MPPED1: variants seen among roughly 807,000 people sequenced by gnomAD.
MPPED1 encodes the protein metallophosphoesterase domain-containing protein 1.
A neutral mutation model predicts 36.2 loss-of-function variants in MPPED1; 16 were observed. That is an observed-to-expected ratio of 0.44 (90% confidence interval 0.30 to 0.67). The LOEUF (loss-of-function observed/expected upper bound fraction) is 0.67, where lower values mean the gene tolerates loss of function less well. Among genes scored for constraint, MPPED1 ranks in the 30% least tolerant of loss-of-function variants. MPPED1 has a pLI of 0.10. For missense variants in MPPED1, 307 were observed against 453.4 expected, an observed-to-expected ratio of 0.68 and a Z score of 2.93; for synonymous variants, 199 against 191.3, an observed-to-expected ratio of 1.04 and a Z score of -0.33.
At chr22:43,463,807 TTTTCTTTC>T (rs695374) in intron 3 of MPPED1, among the ~76,000 whole-genome samples, 14,590 of 112,372 alleles carry the variant, frequency 0.13, 1,123 homozygotes, top group African/African-American at 0.16. Context: ...TCATTTTTTC[TTTTCTTTC>T]TTTCTTTCTT....
intron 3 of MPPED1, among the ~76,000 whole-genome samples, chr22:43,447,883 ATTTTTTT>A (rs776108565): frequency 3.0e-5 from 2 of 67,734 alleles, no homozygotes; most frequent in African/African-American, 1.3e-4. Flanking sequence ...ATATATATAT[ATTTTTTT>A]TTTTTTTAGA....
chr22:43,497,010 AGGTAGTGGTGGTGGAAGT>A (rs1932425444), intron 4 of MPPED1, among the ~76,000 whole-genome samples: 1 of 100,880 alleles, frequency 9.9e-6, no homozygotes, highest in Non-Finnish European at 2.0e-5. Flanking sequence ...GTGGTGGTGG[AGGTAGTGGTGGTGGAAGT>A]GGTGGTGGTG....
At chr22:43,468,324 C>A (rs1038825897) in intron 3 of MPPED1, among the ~76,000 whole-genome samples, 3 of 152,202 alleles carry the variant, frequency 2.0e-5, no homozygotes, top group Admixed American at 2.0e-4. Context: ...CATCAAGGAC[C>A]TAGGGCTTGT....
intron 4 of MPPED1, among the ~76,000 whole-genome samples, chr22:43,495,336 TGATGGA>T (rs1932236017): frequency 7.0e-6 from 1 of 142,142 alleles, no homozygotes; most frequent in African/African-American, 2.6e-5. Context: ...GTGGTGGTAG[TGATGGA>T]GGTGTTGATG....
chr22:43,480,461 C>T (rs143697830), intron 4 of MPPED1, among the ~76,000 whole-genome samples: 36 of 152,282 alleles, frequency 2.4e-4, no homozygotes, highest in African/African-American at 7.2e-4. Flanking sequence ...CCAGTGAGGC[C>T]GAGAATCTCT....
chr22:43,498,430 C>T, intron 5 of MPPED1, 80 bp downstream of exon 5: 2 of 1,170,432 alleles, frequency 1.7e-6, no homozygotes, highest in Non-Finnish European at 2.4e-6. Context: ...CTGGCTGGGC[C>T]TGTATAGGGG....
At chr22:43,441,446 G>T (rs1215082800) in intron 3 of MPPED1, among the ~76,000 whole-genome samples, 1 of 152,142 alleles carries the variant, frequency 6.6e-6, no homozygotes, top group Non-Finnish European at 1.5e-5. Flanking sequence ...ACTCCAGGGC[G>T]GAGACCATAC....
chr22:43,427,512 C>G (rs1199747602), intron 2 of MPPED1, among the ~76,000 whole-genome samples: 4 of 152,072 alleles, frequency 2.6e-5, no homozygotes, highest in Admixed American at 2.6e-4. Context: ...GGAGACACCA[C>G]AGGCCCCTGC....
chr22:43,495,943 A>AGTG (rs1932314511), intron 4 of MPPED1, among the ~76,000 whole-genome samples: 1 of 14,878 alleles, frequency 6.7e-5, no homozygotes, highest in Non-Finnish European at 1.5e-4. Context: ...TGGTGGAGGT[A>AGTG]GTGGTGGTGG....
intron 2 of MPPED1, among the ~76,000 whole-genome samples, chr22:43,434,655 T>C (rs1210856218): frequency 6.6e-6 from 1 of 152,204 alleles, no homozygotes; most frequent in Non-Finnish European, 1.5e-5. Flanking sequence ...AAAAGACATC[T>C]TGAAGAGGCC....
At chr22:43,444,281 T>G (rs1361824944) in intron 3 of MPPED1, among the ~76,000 whole-genome samples, 90 of 8,148 alleles carry the variant, frequency 0.011, no homozygotes, top group Admixed American at 0.038. Context: ...CCCACTGGGG[T>G]GTGTGTGTGT....
intron 3 of MPPED1, among the ~76,000 whole-genome samples, chr22:43,466,700 C>G (rs933323651): frequency 6.6e-6 from 1 of 152,200 alleles, no homozygotes; most frequent in African/African-American, 2.4e-5. Flanking sequence ...TCCACCTGCC[C>G]TGATCACCCC....
chr22:43,457,471 C>G (rs903751270), intron 3 of MPPED1, among the ~76,000 whole-genome samples: 1 of 151,978 alleles, frequency 6.6e-6, no homozygotes, highest in Non-Finnish European at 1.5e-5. Context: ...TAATCTCTGC[C>G]TTCTTTTGAC....
At chr22:43,477,860 G>C (rs904208582) in intron 4 of MPPED1, among the ~76,000 whole-genome samples, 1 of 152,204 alleles carries the variant, frequency 6.6e-6, no homozygotes, top group South Asian at 2.1e-4. Context: ...TGGTCTTTCT[G>C]TGTAGTGGGG....
intron 6 of MPPED1, among the ~76,000 whole-genome samples, chr22:43,505,085 GTGA>G (rs1481254728): frequency 6.6e-6 from 1 of 151,882 alleles, no homozygotes; most frequent in Non-Finnish European, 1.5e-5. Flanking sequence ...GATGACATTA[GTGA>G]TGATTATGGT....
At chr22:43,438,174 ATT>A (rs1233779428) in intron 3 of MPPED1, among the ~76,000 whole-genome samples, 4 of 152,126 alleles carry the variant, frequency 2.6e-5, no homozygotes, top group African/African-American at 9.7e-5. Flanking sequence ...CACGGGAGCC[ATT>A]CATTAGAGAG....
intron 3 of MPPED1, among the ~76,000 whole-genome samples, chr22:43,455,443 G>A (rs1029691342): frequency 2.0e-5 from 3 of 152,038 alleles, no homozygotes; most frequent in Non-Finnish European, 1.5e-5. Flanking sequence ...CCAGTCATTG[G>A]ATTAGAGCCC....
At chr22:43,426,004 G>T (rs562447560) in intron 2 of MPPED1, among the ~76,000 whole-genome samples, 1 of 152,262 alleles carries the variant, frequency 6.6e-6, no homozygotes, top group East Asian at 1.9e-4. Flanking sequence ...AGAGGTGGTC[G>T]AGCTCCTGGC....
intron 5 of MPPED1, among the ~76,000 whole-genome samples, chr22:43,501,635 A>T (rs973441467): frequency 1.3e-5 from 2 of 152,132 alleles, no homozygotes; most frequent in Non-Finnish European, 2.9e-5. Context: ...ATCCGGCCTC[A>T]TGCATGGTGG....
Sources: allele counts gnomAD v4.1 joint callset (sites outside exome capture counted in the v4.1 genomes callset), GRCh38; gene constraint gnomAD v4.1.1; transcripts MANE v1.5; gene names NCBI Gene and HGNC (gene_info 2026-07-23, HGNC 2026-07-21).